Variants in SASH1 observed in about 807,000 individuals in gnomAD.
SASH1 encodes SAM and SH3 domain containing 1, also known as SAM and SH3 domain-containing protein 1.
SASH1 carries 44 observed loss-of-function variants against 125.2 expected under a neutral mutation model. The ratio of observed to expected loss-of-function variants is 0.35; its 90% CI spans 0.28 to 0.45. SASH1 has a LOEUF of 0.45. SASH1 is among the 20% of genes least tolerant of loss of function. SASH1 has a pLI of 1.00. For synonymous variants in SASH1, 639 were observed against 649.1 expected, an observed-to-expected ratio of 0.98 and a Z score of 0.24; for missense variants, 1,426 against 1,614.5, an observed-to-expected ratio of 0.88 and a Z score of 2.00.
intron 1 of SASH1, among the ~76,000 whole-genome samples, chr6:148,374,501 G>C (rs1782813813): frequency 6.6e-6 from 1 of 152,206 alleles, no homozygotes; most frequent in South Asian, 2.1e-4. Context: ...CATTCTCACA[G>C]TAACTGGGTT....
intron 11 of SASH1, 70 bp from the exon 12 acceptor site, chr6:148,527,383 A>G (rs1196911633): frequency 1.5e-6 from 2 of 1,370,878 alleles, no homozygotes; most frequent in Admixed American, 2.7e-5. Flanking sequence ...TAGGATGTTA[A>G]TGGTTTAAAT....
At chr6:148,292,925 G>T (rs1451494143) in intron 1 of SASH1, among the ~76,000 whole-genome samples, 3 of 152,040 alleles carry the variant, frequency 2.0e-5, no homozygotes, top group African/African-American at 7.2e-5. Context: ...GGTGGCATGT[G>T]CCTGTAATCC....
At position 148,514,460 on chromosome 6, in the gene SASH1, A is replaced by T; in HGVS notation, c.862+4A>T. 6.1e-6 allele frequency: 1 copy of T among 164,566 alleles called. No homozygotes were observed. Among genetic ancestry groups the T allele is most frequent in the Non-Finnish European group, 8.4e-6 (1 of 119,352 alleles). The allele number at this position is 164,566 out of a possible 1,614,324, so 10.2% of individuals were successfully genotyped here. On this transcript the variant is annotated splice_donor_region_variant and intron_variant, in intron 9 of 19. Coordinates refer to ENST00000367467, the MANE Select transcript of SASH1 (RefSeq NM_015278.5). ...ATGAAAAAACCCAGCACTGAAGGTAAAAAAAAAAAAAAAAAAAAAAAAAAA... is the reference window on the plus strand; with the variant it reads ...ATGAAAAAACCCAGCACTGAAGGTATAAAAAAAAAAAAAAAAAAAAAAAAA...
At chr6:148,235,183 G>T in the SASH1 span, among the ~76,000 whole-genome samples, 10 of 152,164 alleles carry the variant, frequency 6.6e-5, no homozygotes, top group South Asian at 2.1e-3. Context: ...TGCAAAGAAC[G>T]TAAGTGTTAA....
chr6:148,513,709 A>G (rs1295010335), intron 8 of SASH1: 3 of 985,748 alleles, frequency 3.0e-6, no homozygotes, highest in Non-Finnish European at 3.6e-6. Context: ...GGAGGAATGC[A>G]GGGTCTGTCC....
the SASH1 span, among the ~76,000 whole-genome samples, chr6:148,218,237 T>TA: frequency 6.7e-6 from 1 of 148,466 alleles, no homozygotes; most frequent in African/African-American, 2.5e-5. Flanking sequence ...GAAAAAAAAA[T>TA]AAAAAAACTT....
rs186649424 is a variant in SASH1 at position 148,497,581 on chromosome 6, C to T, written c.729+9866C>T. 2.0e-5 allele frequency among the ~76,000 whole-genome samples: 3 copies of T among 152,304 alleles called. No individual in the cohort carries two copies. In the East Asian group the frequency reaches 5.8e-4, roughly 29 times the overall value. ...TGTTATTTGATGTGAAGATCTTCTGCCCTTCCCGTCAACTGTCATTCTTAA... is the reference window on the plus strand; with the variant it reads ...TGTTATTTGATGTGAAGATCTTCTGTCCTTCCCGTCAACTGTCATTCTTAA... On this transcript the variant is annotated intron_variant, in intron 8 of 19. Coordinates refer to ENST00000367467, the MANE Select transcript of SASH1 (RefSeq NM_015278.5).
chr6:148,278,370 G>A (rs535121007), intron 1 of SASH1, among the ~76,000 whole-genome samples: 2 of 151,864 alleles, frequency 1.3e-5, no homozygotes, highest in Non-Finnish European at 2.9e-5. Context: ...CCCACATCTT[G>A]GTCTCCATTT....
In SASH1 at chr6:148,290,628, G is replaced by A. The variant is rs371142105; in HGVS notation, n.74+18251G>A. ...CTCAAAAAAGAAGGAAATTAAGGGC[G>A]GTGCAAGATGTGCTTTGTTAAACAG... is the stretch of plus-strand genomic sequence containing the variant. On this transcript the variant is annotated intron_variant and non_coding_transcript_variant, in intron 1 of 3. Transcript: ENST00000367469. Among the ~76,000 whole-genome samples the A allele has an allele frequency of 7.9e-5, 12 of 151,870 alleles. No homozygotes were observed. The East Asian group carries it at 2.0e-3, about 25-fold the overall frequency.
At chr6:148,458,437 G>A (rs1777458892) in intron 4 of SASH1, among the ~76,000 whole-genome samples, 1 of 152,164 alleles carries the variant, frequency 6.6e-6, no homozygotes, top group African/African-American at 2.4e-5. Flanking sequence ...CTGTAAGTAA[G>A]AAAGAAAATG....
chr6:148,323,738 C>A (rs1780714307), intron 1 of SASH1, among the ~76,000 whole-genome samples: 1 of 152,032 alleles, frequency 6.6e-6, no homozygotes, highest in African/African-American at 2.4e-5. Context: ...CACGTTGATA[C>A]CAATTAAAGG....
chr6:148,328,303 GT>G (rs1211481980), intron 1 of SASH1, among the ~76,000 whole-genome samples: 1 of 152,070 alleles, frequency 6.6e-6, no homozygotes, highest in Non-Finnish European at 1.5e-5. Context: ...TTAATTATTA[GT>G]TAAAAATAGT....
intron 1 of SASH1, among the ~76,000 whole-genome samples, chr6:148,387,584 CTTTCTTTCTTTCTTTCTTTCTTTCT>C (rs1783455688): frequency 3.0e-4 from 2 of 6,610 alleles, no homozygotes; most frequent in Non-Finnish European, 5.4e-4. Flanking sequence ...TTCTTTCTTT[CTTTCTTTCTTTCTTTCTTTCTTTCT>C]TTCTTTCTTT....
intron 8 of SASH1, chr6:148,513,321 G>C (rs1780259314): frequency 2.0e-6 from 2 of 985,354 alleles, no homozygotes; most frequent in Admixed American, 1.2e-4. Context: ...ACGTGAGCTG[G>C]AATTGCTCAC....
the SASH1 span, among the ~76,000 whole-genome samples, chr6:148,241,474 G>C: frequency 5.9e-5 from 9 of 152,154 alleles, no homozygotes; most frequent in Non-Finnish European, 1.0e-4. Flanking sequence ...TAGGCAAATG[G>C]CATCTCCTCT....
At chr6:148,450,654 G>A (rs1311739616) in intron 4 of SASH1, among the ~76,000 whole-genome samples, 2 of 149,456 alleles carry the variant, frequency 1.3e-5, no homozygotes, top group Admixed American at 6.7e-5. Flanking sequence ...TGATGTCTAT[G>A]TACTGGGTAC....
At chr6:148,326,409 C>CTTTTCTTTTCTTTTCT (rs1554235392) in intron 1 of SASH1, among the ~76,000 whole-genome samples, 1 of 90,130 alleles carries the variant, frequency 1.1e-5, no homozygotes, top group Non-Finnish European at 2.2e-5. Context: ...CTTTTCTTTT[C>CTTTTCTTTTCTTTTCT]TTTTCTTTTT....
chr6:148,295,438 G>A (rs543627839), intron 1 of SASH1, among the ~76,000 whole-genome samples: 4 of 152,306 alleles, frequency 2.6e-5, no homozygotes, highest in Non-Finnish European at 5.9e-5. Context: ...GGCATTTTCT[G>A]AACAGAATGG....
chr6:148,532,724 C>A lies in SASH1; in HGVS notation c.1565-73C>A. On this transcript the variant is annotated intron_variant, in intron 13 of 19. Coordinates refer to ENST00000367467, the MANE Select transcript of SASH1 (RefSeq NM_015278.5). The surrounding 1 kb of genome is among the most constrained non-coding windows in gnomAD (Gnocchi z 4.7). ...GGCCTTCATTTCCTAATCTGCCATA[C>A]CTTCAATACCTTTCTGCTTTGCTGG... 1 of 1,547,076 alleles carries A rather than the reference C, an allele frequency of 6.5e-7. No individual in the cohort carries two copies. The highest frequency in any genetic ancestry group is 1.2e-5 in the South Asian group (1 of 85,594).
Sources: gnomAD v4.1 joint callset for allele counts (sites outside exome capture counted in the v4.1 genomes callset) on GRCh38, gnomAD v4.1.1 for gene constraint, Gnocchi (gnomAD v3.1) non-coding constraint, MANE v1.5 for transcripts, NCBI Gene and HGNC (gene_info 2026-07-23, HGNC 2026-07-21) for gene names.